The following MACROD2 variants were observed in gnomAD, a reference collection of about 807,000 sequenced individuals.
MACROD2 encodes the protein mono-ADP ribosylhydrolase 2.
A neutral mutation model predicts 70.4 loss-of-function variants in MACROD2; 36 were observed. The observed-to-expected ratio is 0.51, with a 90% CI of 0.39 to 0.68. The LOEUF is 0.68. MACROD2 is among the 30% of genes least tolerant of loss of function. MACROD2 has a pLI of 0.00. For missense variants in MACROD2, 496 were observed against 538.4 expected (o/e 0.92, Z 0.78); for synonymous variants, 172 against 178.8 (o/e 0.96, Z 0.30).
rs71190190 is a variant in MACROD2 at position 15,560,762 on chromosome 20, C to CAAAAAAAAAAAAAAAAAAA, written c.645+60926_645+60944dup. Among the ~76,000 whole-genome samples, 12 of 22,084 alleles carry CAAAAAAAAAAAAAAAAAAA rather than the reference C, an allele frequency of 5.4e-4. 2 individuals carry two copies. The highest frequency in any genetic ancestry group is 1.1e-3 in the East Asian group (1 of 872). The allele number at this position is 22,084 out of a possible 152,430, so 14.5% of individuals were successfully genotyped here. Reference sequence around the variant, plus strand: ...TGGGCCACAGGGCATAACAAAGTCTCAAAAAAAAAAAAAAAAAAAAAAAAA... The same window carrying CAAAAAAAAAAAAAAAAAAA: ...TGGGCCACAGGGCATAACAAAGTCTCAAAAAAAAAAAAAAAAAAAAAAAAAAAAAAAAAAAAAAAAAAAA... On this transcript the variant is annotated intron_variant, in intron 8 of 17. Transcript: ENST00000684519.
At chr20:14,808,130 T>A (rs1391667819) in intron 5 of MACROD2, among the ~76,000 whole-genome samples, 1 of 151,466 alleles carries the variant, frequency 6.6e-6, no homozygotes, top group Non-Finnish European at 1.5e-5. Context: ...GTAACATAAT[T>A]GTCAGATTCA....
In MACROD2 at chr20:14,905,075, G is replaced by A. The variant is rs553173121; in HGVS notation, c.418+220116G>A. ...CAGCTTTATTGTTGTTAAAGAGTTT[G>A]CCACCTGATTATGAGAACTCTAGCA... On this transcript the variant is annotated intron_variant, in intron 5 of 17. Coordinates refer to ENST00000684519, the MANE Select transcript of MACROD2 (RefSeq NM_001351661.2). 3 of 152,234 alleles carry A rather than the reference G, an allele frequency of 2.0e-5. No homozygotes were observed. The South Asian group carries it at 6.2e-4, about 32-fold the overall frequency. The allele number at this position is 152,234 out of a possible 1,614,324, so 9.4% of individuals were successfully genotyped here.
At chr20:16,003,489 C>G (rs2066743775) in intron 15 of MACROD2, among the ~76,000 whole-genome samples, 1 of 152,132 alleles carries the variant, frequency 6.6e-6, no homozygotes, top group African/African-American at 2.4e-5. Flanking sequence ...TGGCAACAGG[C>G]TGCGTAACAC....
At chr20:15,475,104 A>G (rs1242094261) in intron 7 of MACROD2, among the ~76,000 whole-genome samples, 1 of 152,236 alleles carries the variant, frequency 6.6e-6, no homozygotes, top group Non-Finnish European at 1.5e-5. Context: ...TTTACATTTT[A>G]TTAGGTATTA....
intron 8 of MACROD2, among the ~76,000 whole-genome samples, chr20:15,534,745 G>C (rs1350490339): frequency 6.6e-6 from 1 of 152,120 alleles, no homozygotes; most frequent in Non-Finnish European, 1.5e-5. Context: ...TGGCTGCAAG[G>C]TAGTGTGGAG....
chr20:14,801,924 G>A (rs1381800912), intron 5 of MACROD2, among the ~76,000 whole-genome samples: 2 of 152,178 alleles, frequency 1.3e-5, no homozygotes, highest in East Asian at 3.9e-4. Context: ...TGAAATTGTA[G>A]AAACCTCTCT....
chr20:15,672,638 G>A (rs2049996886), intron 8 of MACROD2, among the ~76,000 whole-genome samples: 1 of 152,178 alleles, frequency 6.6e-6, no homozygotes, highest in African/African-American at 2.4e-5. Context: ...CCATGGTGGT[G>A]CATCAGAGGT....
At chr20:14,360,060 A>G (rs2083207017) in intron 3 of MACROD2, among the ~76,000 whole-genome samples, 1 of 151,508 alleles carries the variant, frequency 6.6e-6, no homozygotes, top group Admixed American at 6.6e-5. Flanking sequence ...AGTTGAATTC[A>G]TAAAGGCAGA....
chr20:14,726,131 G>A (rs1180426902), intron 5 of MACROD2, among the ~76,000 whole-genome samples: 1 of 152,164 alleles, frequency 6.6e-6, no homozygotes, highest in Non-Finnish European at 1.5e-5. Flanking sequence ...TGAACTCATT[G>A]AAGCATATTA....
At chr20:15,508,281 G>C (rs1019825843) in intron 8 of MACROD2, among the ~76,000 whole-genome samples, 1 of 151,100 alleles carries the variant, frequency 6.6e-6, no homozygotes, top group South Asian at 2.1e-4. Flanking sequence ...AGAGAACCTA[G>C]AAAAATACTC....
intron 15 of MACROD2, among the ~76,000 whole-genome samples, chr20:16,025,229 G>A (rs1008282314): frequency 1.2e-4 from 18 of 152,142 alleles, no homozygotes; most frequent in African/African-American, 4.3e-4. Flanking sequence ...CCCATTATTT[G>A]GTGCTCGCAG....
chr20:14,652,995 T>C (rs990784705), intron 4 of MACROD2, among the ~76,000 whole-genome samples: 4 of 152,186 alleles, frequency 2.6e-5, no homozygotes, highest in Non-Finnish European at 5.9e-5. Context: ...CTCTGCCCCA[T>C]CATTTATTAG....
At chr20:14,200,624 T>TA (rs946776250) in intron 3 of MACROD2, among the ~76,000 whole-genome samples, 6 of 152,230 alleles carry the variant, frequency 3.9e-5, no homozygotes, top group African/African-American at 1.4e-4. Context: ...ATCAAAGTTT[T>TA]AAAAAAATTT....
At chr20:15,269,622 T>A (rs1452553613) in intron 6 of MACROD2, among the ~76,000 whole-genome samples, 1 of 152,206 alleles carries the variant, frequency 6.6e-6, no homozygotes, top group East Asian at 1.9e-4. Context: ...TTTGATTATA[T>A]GCTTAGGGGC....
At chr20:14,420,738 G>T (rs770309857) in intron 3 of MACROD2, among the ~76,000 whole-genome samples, 19 of 152,014 alleles carry the variant, frequency 1.2e-4, no homozygotes, top group Admixed American at 2.0e-4. Flanking sequence ...TGTCACCTAG[G>T]CTGGAGTTCA....
intron 5 of MACROD2, among the ~76,000 whole-genome samples, chr20:14,982,611 T>A (rs981534112): frequency 2.6e-5 from 4 of 152,222 alleles, no homozygotes; most frequent in African/African-American, 9.6e-5. Flanking sequence ...GGCCATGGCC[T>A]CAGAGGGTGC....
chr20:15,657,911 T>C (rs2049755737), intron 8 of MACROD2, among the ~76,000 whole-genome samples: 1 of 152,160 alleles, frequency 6.6e-6, no homozygotes, highest in Non-Finnish European at 1.5e-5. Flanking sequence ...GAGAATCGCT[T>C]GAACCCAGGA....
intron 3 of MACROD2, among the ~76,000 whole-genome samples, chr20:14,255,270 A>G (rs2082044412): frequency 6.6e-6 from 1 of 152,176 alleles, no homozygotes; most frequent in African/African-American, 2.4e-5. Context: ...CAAAGCAAAG[A>G]GTTGGAACCA....
At chr20:15,379,898 A>G (rs1024054497) in intron 6 of MACROD2, among the ~76,000 whole-genome samples, 1 of 152,190 alleles carries the variant, frequency 6.6e-6, no homozygotes, top group Non-Finnish European at 1.5e-5. Flanking sequence ...AACTACATAT[A>G]ATAGTTACAA....
Sources: allele counts gnomAD v4.1 joint callset (sites outside exome capture counted in the v4.1 genomes callset), GRCh38; gene constraint gnomAD v4.1.1; transcripts MANE v1.5; gene names NCBI Gene and HGNC (gene_info 2026-07-23, HGNC 2026-07-21).